DHX8: variants seen among roughly 807,000 people sequenced by gnomAD.
DHX8 encodes the protein ATP-dependent RNA helicase DHX8.
A neutral mutation model predicts 140.7 loss-of-function variants in DHX8; 67 were observed. The ratio of observed to expected loss-of-function variants is 0.48; its 90% CI spans 0.39 to 0.58. DHX8 has a LOEUF of 0.58. Ranked by LOEUF, DHX8 falls within the 20% of genes least tolerant of loss-of-function variation. DHX8 has a pLI of 0.00. For missense variants in DHX8, 887 were observed against 1,550.7 expected (o/e 0.57, Z 7.19); for synonymous variants, 533 against 553.2 (o/e 0.96, Z 0.51).
intron 18 of DHX8, chr17:43,519,070 G>A (rs906192319): frequency 2.6e-5 from 4 of 152,180 alleles, no homozygotes; most frequent in African/African-American, 9.7e-5. Flanking sequence ...GAACATTAGT[G>A]TGCAGGTATC....
At chr17:43,487,396 T>C (rs1450712535) in intron 1 of DHX8, among the ~76,000 whole-genome samples, 1 of 152,220 alleles carries the variant, frequency 6.6e-6, no homozygotes, top group Non-Finnish European at 1.5e-5. Flanking sequence ...TCATTTACTT[T>C]TCTAGGATTA....
At chr17:43,500,962 A>G (rs1395820319) in intron 11 of DHX8, among the ~76,000 whole-genome samples, 2 of 152,050 alleles carry the variant, frequency 1.3e-5, no homozygotes, top group African/African-American at 4.8e-5. Flanking sequence ...TTCCTTTTTC[A>G]TATAATTCTT....
chr17:43,536,746 C>T (rs1971263026), intron 3 of DHX8, among the ~76,000 whole-genome samples: 1 of 152,276 alleles, frequency 6.6e-6, no homozygotes, highest in Admixed American at 6.5e-5. Context: ...GGGCCTGGGC[C>T]GCATTCAAAG....
intron 2 of DHX8, chr17:43,536,197 G>C: frequency 1.8e-6 from 1 of 560,424 alleles, no homozygotes; most frequent in South Asian, 2.2e-5. Flanking sequence ...CAGATATAAG[G>C]CAATGGAGAA....
At chr17:43,538,324 TA>T (rs1236510995) in intron 3 of DHX8, among the ~76,000 whole-genome samples, 1 of 151,666 alleles carries the variant, frequency 6.6e-6, no homozygotes, top group Non-Finnish European at 1.5e-5. Context: ...ATAAATAAAA[TA>T]AAAAAGGAGG....
chr17:43,486,020 A>G (rs987199914), intron 1 of DHX8, among the ~76,000 whole-genome samples: 1 of 152,130 alleles, frequency 6.6e-6, no homozygotes, highest in African/African-American at 2.4e-5. Flanking sequence ...AACATGGCGA[A>G]ACGCCATTTC....
intron 2 of DHX8, chr17:43,533,368 A>G: frequency 6.2e-7 from 1 of 1,601,426 alleles, no homozygotes; most frequent in Non-Finnish European, 8.5e-7. Flanking sequence ...AGAAGGAGAC[A>G]GGGGTGAGGG....
chr17:43,488,352 C>G (rs1968300254), intron 1 of DHX8, among the ~76,000 whole-genome samples: 1 of 151,826 alleles, frequency 6.6e-6, no homozygotes, highest in African/African-American at 2.4e-5. Context: ...TGGCTTATGC[C>G]TGTAATCCCA....
Position 43,525,241 on chromosome 17 carries a change from C to G in DHX8, c.*1394C>G. On this transcript the variant is annotated 3_prime_UTR_variant, in exon 23 of 23. Coordinates refer to ENST00000262415, the MANE Select transcript of DHX8 (RefSeq NM_004941.3). ...CTGTTACGTTGCTGCTTCTCCTGTC[C>G]TTATGTTATTAGTAAGTTCTGAAGT... 1 of 985,436 alleles carries G rather than the reference C, an allele frequency of 1.0e-6. No homozygotes were observed. The highest frequency in any genetic ancestry group is 1.2e-6 in the Non-Finnish European group (1 of 829,944). The allele number at this position is 985,436 out of a possible 1,614,324, so 61.0% of individuals were successfully genotyped here.
intron 3 of DHX8, among the ~76,000 whole-genome samples, chr17:43,538,614 G>A (rs73304595): frequency 0.013 from 2,050 of 152,258 alleles, 39 homozygotes; most frequent in African/African-American, 0.047. Context: ...CCCAGAGCGG[G>A]GCTTCTCAGG....
intron 4 of DHX8, 94 bp downstream of exon 4, chr17:43,491,344 T>G (rs1968507000): frequency 3.1e-6 from 2 of 649,826 alleles, no homozygotes; most frequent in East Asian, 6.2e-5. Flanking sequence ...TAAGTTTGCC[T>G]TTGTTGTAAC....
intron 17 of DHX8, among the ~76,000 whole-genome samples, chr17:43,514,440 G>C (rs1349625866): frequency 6.6e-6 from 1 of 152,020 alleles, no homozygotes; most frequent in Non-Finnish European, 1.5e-5. Flanking sequence ...GGAAAGATCA[G>C]TACTTTATTT....
chr17:43,534,057 T>C, intron 2 of DHX8: 1 of 1,402,470 alleles, frequency 7.1e-7, no homozygotes, highest in Non-Finnish European at 9.2e-7. Context: ...TCTGATACCT[T>C]CTGAGCTTTG....
rs9807051 is a variant in DHX8 at position 43,507,742 on chromosome 17, A to C, written c.2109+54A>C. ...TACCTGTTGGAAGCTGAATTCTGGC[A>C]GTTGGATTTGAGTACCTGTGTCTTT... On this transcript the variant is annotated intron_variant, in intron 14 of 22. Coordinates refer to ENST00000262415, the MANE Select transcript of DHX8 (RefSeq NM_004941.3). 5.1e-4 allele frequency: 824 copies of C among 1,612,062 alleles called. 2 individuals carry two copies. The African/African-American group carries it at 9.7e-3, about 19-fold the overall frequency.
rs1969828691 is a variant in DHX8 at position 43,511,458 on chromosome 17, T to TTTTTTTTTTTTTTTA, written c.2503-1890_2503-1889insATTTTTTTTTTTTTT. Among the ~76,000 whole-genome samples, 3 of 110,100 alleles carry TTTTTTTTTTTTTTTA rather than the reference T, an allele frequency of 2.7e-5. 1 individual carries two copies. The highest frequency in any genetic ancestry group is 5.6e-5 in the Non-Finnish European group (3 of 53,924). The allele number at this position is 110,100 out of a possible 152,430, so 72.2% of individuals were successfully genotyped here. Reference sequence around the variant, plus strand: ...TGGCTTATGCCTGTGATCCCAGCATTTTTTTTTTTTTTTTTTTGAGACAGA... The same window carrying TTTTTTTTTTTTTTTA: ...TGGCTTATGCCTGTGATCCCAGCATTTTTTTTTTTTTTTTATTTTTTTTTTTTTTTTTGAGACAGA... On this transcript the variant is annotated intron_variant, in intron 16 of 22. Transcript: ENST00000262415.
chr17:43,490,509 T>C, intron 3 of DHX8, 46 bp downstream of exon 3: 1 of 1,453,582 alleles, frequency 6.9e-7, no homozygotes, highest in Non-Finnish European at 9.5e-7. Flanking sequence ...ATGGTGTAGG[T>C]TTTGAACATC....
At chr17:43,494,620 C>T in intron 8 of DHX8, among the ~76,000 whole-genome samples, 1 of 149,654 alleles carries the variant, frequency 6.7e-6, no homozygotes, top group African/African-American at 2.5e-5. Context: ...ACTCACGACG[C>T]TGAGGCAGGA....
chr17:43,515,151 A>G (rs9891052), intron 17 of DHX8, among the ~76,000 whole-genome samples: 34,235 of 151,802 alleles, frequency 0.23, 4,064 homozygotes, highest in East Asian at 0.32. Flanking sequence ...GGCTATTTTT[A>G]TTTTGAAACT....
At position 43,492,213 on chromosome 17, in the gene DHX8, GCTGTGGATGTC is replaced by G. The variant is rs1421301074; in HGVS notation, c.428_438del (p.Val143GlufsTer20). 1 of 1,613,664 alleles carries G rather than the reference GCTGTGGATGTC, an allele frequency of 6.2e-7. No homozygotes were observed. Among genetic ancestry groups the G allele is most frequent in the Non-Finnish European group, 8.5e-7 (1 of 1,179,786 alleles). ...GTTGGATGAAGATGATGTGAAAGTT[GCTGTGGATGTC>G]CTGAAAGAACTGGAAGCTTTAATGC... On this transcript the variant is annotated frameshift_variant, in exon 5 of 23. Coordinates refer to ENST00000262415, the MANE Select transcript of DHX8 (RefSeq NM_004941.3). LOFTEE classifies it high-confidence loss of function.
Sources: allele counts gnomAD v4.1 joint callset (sites outside exome capture counted in the v4.1 genomes callset), GRCh38; gene constraint gnomAD v4.1.1; transcripts MANE v1.5; gene names NCBI Gene and HGNC (gene_info 2026-07-23, HGNC 2026-07-21).